RNF150: variants seen among roughly 807,000 people sequenced by gnomAD.
RNF150 encodes the protein ring finger protein 150.
A neutral mutation model predicts 39.3 loss-of-function variants in RNF150; 24 were observed. That is an observed-to-expected ratio of 0.61 (90% CI 0.44 to 0.86). The LOEUF (loss-of-function observed/expected upper bound fraction) is 0.86. RNF150 is among the 40% of genes least tolerant of loss of function. RNF150 has a pLI of 0.00. For synonymous variants in RNF150, 255 were observed against 227.3 expected (o/e 1.12, Z -1.10); for missense variants, 502 against 587.8 (o/e 0.85, Z 1.51).
At chr4:140,899,974 C>CTCTCTCTCTCTCTG (rs1365683071) in intron 6 of RNF150, among the ~76,000 whole-genome samples, 4 of 69,166 alleles carry the variant, frequency 5.8e-5, no homozygotes, top group African/African-American at 1.7e-4. Flanking sequence ...CTCTCTCTCT[C>CTCTCTCTCTCTCTG]TGTGTGTGTG....
At chr4:140,955,476 CTTA>C (rs1732713756) in intron 2 of RNF150, among the ~76,000 whole-genome samples, 1 of 152,144 alleles carries the variant, frequency 6.6e-6, no homozygotes, top group Non-Finnish European at 1.5e-5. Flanking sequence ...CCTCTGTCCC[CTTA>C]TTAATAACAT....
chr4:141,003,241 T>C (rs1049047985), intron 1 of RNF150, among the ~76,000 whole-genome samples: 2 of 152,154 alleles, frequency 1.3e-5, no homozygotes, highest in African/African-American at 4.8e-5. Flanking sequence ...AAAACAGTAC[T>C]ACAATGTGTG....
intron 1 of RNF150, among the ~76,000 whole-genome samples, chr4:141,016,012 A>G (rs1219424327): frequency 1.3e-5 from 2 of 152,068 alleles, no homozygotes; most frequent in Non-Finnish European, 2.9e-5. Flanking sequence ...CTGAATTCTA[A>G]ATTCCACTCT....
At chr4:140,908,194 G>A (rs545108758) in intron 6 of RNF150, among the ~76,000 whole-genome samples, 3 of 152,218 alleles carry the variant, frequency 2.0e-5, no homozygotes, top group African/African-American at 7.2e-5. Context: ...ATGCATTTGT[G>A]TTTGTTCATT....
chr4:141,116,989 C>A (rs1371451289), intron 1 of RNF150, among the ~76,000 whole-genome samples: 2 of 149,942 alleles, frequency 1.3e-5, no homozygotes, highest in Non-Finnish European at 3.0e-5. Context: ...CGGAGCCTGT[C>A]AGGGGGTGGG....
chr4:140,875,163 G>GTTT (rs58742685), intron 6 of RNF150, among the ~76,000 whole-genome samples: 2,774 of 122,536 alleles, frequency 0.023, 104 homozygotes, highest in African/African-American at 0.065. Flanking sequence ...CAATCATTAC[G>GTTT]TTTTTTTTTT....
At chr4:140,895,574 C>G (rs1438921327) in intron 6 of RNF150, among the ~76,000 whole-genome samples, 2 of 152,170 alleles carry the variant, frequency 1.3e-5, no homozygotes, top group East Asian at 1.9e-4. Context: ...TATCAGCTCC[C>G]AGAACACATT....
chr4:141,190,427 G>C (rs1728091123), intron 1 of RNF150, among the ~76,000 whole-genome samples: 2 of 152,226 alleles, frequency 1.3e-5, no homozygotes, highest in Non-Finnish European at 2.9e-5. Flanking sequence ...TCATGTGTCT[G>C]TGACCTGAGG....
At chr4:141,086,344 T>C (rs182759373) in intron 1 of RNF150, among the ~76,000 whole-genome samples, 9 of 152,312 alleles carry the variant, frequency 5.9e-5, no homozygotes, top group African/African-American at 2.2e-4. Flanking sequence ...TTGTTTAAGA[T>C]CTACCATGTA....
chr4:141,006,542 T>A (rs1734880303), intron 1 of RNF150, among the ~76,000 whole-genome samples: 1 of 152,158 alleles, frequency 6.6e-6, no homozygotes. Context: ...AAGACACAGT[T>A]GAACTGGACA....
At chr4:140,963,975 A>T (rs575969079) in intron 2 of RNF150, among the ~76,000 whole-genome samples, 2 of 152,206 alleles carry the variant, frequency 1.3e-5, no homozygotes, top group African/African-American at 4.8e-5. Context: ...GATAAAAACA[A>T]TCCCATTAAA....
chr4:141,111,662 C>T (rs780629482), intron 1 of RNF150, among the ~76,000 whole-genome samples: 5 of 152,142 alleles, frequency 3.3e-5, no homozygotes, highest in Non-Finnish European at 5.9e-5. Flanking sequence ...GCATGAGGAA[C>T]CACAAATGCA....
intron 1 of RNF150, among the ~76,000 whole-genome samples, chr4:141,109,587 G>C (rs1297951371): frequency 6.6e-6 from 1 of 151,976 alleles, no homozygotes; most frequent in Non-Finnish European, 1.5e-5. Context: ...CTTTAGAAAA[G>C]AGGTAAAATT....
chr4:141,200,692 A>G (rs933657766), intron 1 of RNF150, among the ~76,000 whole-genome samples: 2 of 152,202 alleles, frequency 1.3e-5, no homozygotes, highest in African/African-American at 4.8e-5. Flanking sequence ...CATTCAGTCC[A>G]TTGCAGGCTC....
chr4:141,027,908 ATTTGTTTTTTTTTT>A (rs1233516610), intron 1 of RNF150, among the ~76,000 whole-genome samples: 4 of 59,154 alleles, frequency 6.8e-5, no homozygotes, highest in Non-Finnish European at 1.4e-4. Context: ...TGAGCTTGGA[ATTTGTTTTTTTTTT>A]TTTGTTTTTT....
intron 1 of RNF150, among the ~76,000 whole-genome samples, chr4:141,112,808 C>A (rs923597537): frequency 6.6e-6 from 1 of 152,084 alleles, no homozygotes; most frequent in South Asian, 2.1e-4. Context: ...GGATGGTATC[C>A]GGAAGTGTAT....
chr4:141,210,049 G>GATTAT (rs56253181), intron 1 of RNF150, among the ~76,000 whole-genome samples: 1 of 151,460 alleles, frequency 6.6e-6, no homozygotes, highest in Admixed American at 6.6e-5. Flanking sequence ...ATTAGTCACA[G>GATTAT]ATAATTGTCT....
rs180765212 is a variant in RNF150, at chr4:141,098,151, G to C, written c.484+34174C>G. On this transcript the variant is annotated intron_variant, in intron 1 of 6. Coordinates refer to ENST00000515673, the MANE Select transcript of RNF150 (RefSeq NM_020724.2). ...GCCTTTGATCACATTTTCTCCCAAA[G>C]AATAATGTTCTAGGTCTTCCCAGAC... Among the ~76,000 whole-genome samples the C allele has an allele frequency of 4.2e-3, 637 of 152,318 alleles. 2 individuals are homozygous for C. The highest frequency in any genetic ancestry group is 0.017 in the Middle Eastern group (5 of 294).
intron 5 of RNF150, among the ~76,000 whole-genome samples, chr4:140,921,791 C>G (rs970083797): frequency 4.6e-5 from 7 of 152,180 alleles, no homozygotes; most frequent in Non-Finnish European, 1.0e-4. Flanking sequence ...GGCTTCATCC[C>G]TGGGATGCAA....
Sources: gnomAD v4.1 joint callset for allele counts (sites outside exome capture counted in the v4.1 genomes callset) on GRCh38, gnomAD v4.1.1 for gene constraint, MANE v1.5 for transcripts, NCBI Gene and HGNC (gene_info 2026-07-23, HGNC 2026-07-21) for gene names.